GABBR2: variants seen among roughly 807,000 people sequenced by gnomAD.
GABBR2 encodes the protein G-protein coupled receptor 51.
A neutral mutation model predicts 105.6 loss-of-function variants in GABBR2; 23 were observed. That is an observed-to-expected ratio of 0.22 (90% CI 0.16 to 0.31). The LOEUF (loss-of-function observed/expected upper bound fraction) is 0.31, where lower values mean the gene tolerates loss of function less well. Ranked by LOEUF, GABBR2 falls within the 10% of genes least tolerant of loss-of-function variation. The pLI is 1.00. For missense variants in GABBR2, 734 were observed against 1,245.5 expected (o/e 0.59, Z 6.18); for synonymous variants, 478 against 499.7 (o/e 0.96, Z 0.58).
chr9:98,525,998 C>T (rs1827949571), intron 3 of GABBR2, among the ~76,000 whole-genome samples: 2 of 152,134 alleles, frequency 1.3e-5, no homozygotes, highest in South Asian at 2.1e-4. Flanking sequence ...AGCTGGGGGC[C>T]GGAGAAAATG....
intron 1 of GABBR2, among the ~76,000 whole-genome samples, chr9:98,613,102 T>C (rs1224793536): frequency 1.3e-5 from 2 of 152,176 alleles, no homozygotes; most frequent in African/African-American, 2.4e-5. Flanking sequence ...CCCCTTCCTA[T>C]ACCCATAGCC....
intron 1 of GABBR2, among the ~76,000 whole-genome samples, chr9:98,628,998 G>C (rs1829782832): frequency 6.6e-6 from 1 of 152,104 alleles, no homozygotes; most frequent in Non-Finnish European, 1.5e-5. Context: ...TGTTAAACTT[G>C]TTACCAAATT....
At chr9:98,512,356 G>T (rs1274669827) in intron 3 of GABBR2, among the ~76,000 whole-genome samples, 1 of 150,998 alleles carries the variant, frequency 6.6e-6, no homozygotes, top group Non-Finnish European at 1.5e-5. Flanking sequence ...ACAAGACAGG[G>T]ATGCCCTCTC....
At chr9:98,601,268 A>G (rs1398640143) in intron 1 of GABBR2, among the ~76,000 whole-genome samples, 2 of 152,236 alleles carry the variant, frequency 1.3e-5, no homozygotes, top group African/African-American at 2.4e-5. Context: ...TGTAATCCCA[A>G]CACTTCGGGA....
intron 1 of GABBR2, among the ~76,000 whole-genome samples, chr9:98,653,247 C>T (rs1017712165): frequency 1.3e-5 from 2 of 152,242 alleles, no homozygotes; most frequent in Non-Finnish European, 2.9e-5. Flanking sequence ...GATCCTCACA[C>T]CTCGGCCTCC....
chr9:98,622,293 T>C (rs1829680086), intron 1 of GABBR2, among the ~76,000 whole-genome samples: 1 of 151,662 alleles, frequency 6.6e-6, no homozygotes, highest in African/African-American at 2.4e-5. Flanking sequence ...GCCTCCTGAT[T>C]AGCTGGGACT....
At chr9:98,708,237 C>G (rs929542039) in intron 1 of GABBR2, among the ~76,000 whole-genome samples, 180 bp downstream of exon 1, 2 of 152,122 alleles carry the variant, frequency 1.3e-5, no homozygotes, top group African/African-American at 4.8e-5. Context: ...ATGTTACCAG[C>G]TGTGCCAGCC....
intron 9 of GABBR2, among the ~76,000 whole-genome samples, chr9:98,392,768 A>G (rs896625785): frequency 2.0e-5 from 3 of 152,214 alleles, no homozygotes; most frequent in African/African-American, 7.2e-5. Flanking sequence ...CTCTATTGCT[A>G]TTAAGTGACT....
intron 1 of GABBR2, among the ~76,000 whole-genome samples, chr9:98,590,174 G>C (rs181987099): frequency 5.4e-4 from 82 of 152,322 alleles, no homozygotes; most frequent in African/African-American, 1.8e-3. Context: ...TGAAATAAAA[G>C]TAGTCATATC....
At chr9:98,536,254 C>G (rs1195002657) in intron 3 of GABBR2, among the ~76,000 whole-genome samples, 1 of 152,154 alleles carries the variant, frequency 6.6e-6, no homozygotes, top group African/African-American at 2.4e-5. Flanking sequence ...TCCATAAGCT[C>G]ACATCCTAGA....
intron 1 of GABBR2, among the ~76,000 whole-genome samples, chr9:98,582,016 C>T (rs1396480551): frequency 6.6e-6 from 1 of 152,160 alleles, no homozygotes; most frequent in Non-Finnish European, 1.5e-5. Flanking sequence ...ACAACGTTCC[C>T]AAATATTTAT....
At chr9:98,508,621 G>A (rs146099073) in intron 3 of GABBR2, among the ~76,000 whole-genome samples, 303 of 151,998 alleles carry the variant, frequency 2.0e-3, no homozygotes, top group Non-Finnish European at 3.2e-3. Flanking sequence ...ATTATATCCC[G>A]CGCATGGCTC....
At chr9:98,653,495 T>C (rs1485717053) in intron 1 of GABBR2, among the ~76,000 whole-genome samples, 2 of 152,236 alleles carry the variant, frequency 1.3e-5, no homozygotes, top group Non-Finnish European at 2.9e-5. Context: ...CAGATTAAGT[T>C]AGAGCGAGAT....
rs901100528 is a variant in GABBR2, at chr9:98,639,683, C to G, written c.322-61611G>C. ...TTTCCACACTCTGCTTTAGAAAGCA[C>G]CTCCTACTATCCCCTTCCCTGACCC... On this transcript the variant is annotated intron_variant, in intron 1 of 18. Transcript: ENST00000259455. Among the ~76,000 whole-genome samples the G allele has an allele frequency of 2.0e-5, 3 of 152,094 alleles. No individual in the cohort carries two copies. The East Asian group carries it at 5.8e-4, about 29-fold the overall frequency.
chr9:98,570,068 G>A (rs141333106), intron 2 of GABBR2, among the ~76,000 whole-genome samples: 217 of 152,252 alleles, frequency 1.4e-3, no homozygotes, highest in Non-Finnish European at 2.4e-3. Flanking sequence ...AGTCCTAAAC[G>A]TATTGGGACT....
intron 1 of GABBR2, among the ~76,000 whole-genome samples, chr9:98,673,975 C>T (rs1188018334): frequency 1.3e-5 from 2 of 152,034 alleles, no homozygotes; most frequent in Admixed American, 6.6e-5. Context: ...GTCCACATAC[C>T]CCACATCAAT....
At chr9:98,516,667 C>G (rs762667093) in intron 3 of GABBR2, among the ~76,000 whole-genome samples, 1 of 152,174 alleles carries the variant, frequency 6.6e-6, no homozygotes, top group African/African-American at 2.4e-5. Flanking sequence ...ATTCCTGACC[C>G]CGAGGGTGGC....
Position 98,509,681 on chromosome 9 carries a change from T to C in GABBR2, c.631-13167A>G, listed in dbSNP as rs902163757. The stretch of plus-strand genomic sequence containing the variant: ...AAGAAAGGGTATCAGGGATGGAAGA[T>C]GAAATGAATGAAATGAAGTGAGAAG... On this transcript the variant is annotated intron_variant, in intron 3 of 18. Coordinates refer to ENST00000259455, the MANE Select transcript of GABBR2 (RefSeq NM_005458.8). 8.6e-5 allele frequency among the ~76,000 whole-genome samples: 13 copies of C among 152,042 alleles called. No individual in the cohort carries two copies. The East Asian group carries it at 2.5e-3, about 29-fold the overall frequency.
At chr9:98,487,882 G>A (rs934763768) in intron 4 of GABBR2, among the ~76,000 whole-genome samples, 1 of 152,156 alleles carries the variant, frequency 6.6e-6, no homozygotes, top group Non-Finnish European at 1.5e-5. Flanking sequence ...TGGAATTAAG[G>A]TTGTTTATCA....
Sources: allele counts gnomAD v4.1 joint callset (sites outside exome capture counted in the v4.1 genomes callset), GRCh38; gene constraint gnomAD v4.1.1; transcripts MANE v1.5; gene names NCBI Gene and HGNC (gene_info 2026-07-23, HGNC 2026-07-21).